RNF150: variants seen among roughly 807,000 people sequenced by gnomAD.
RNF150 encodes ring finger protein 150.
In RNF150, 24 loss-of-function variants were observed where a neutral mutation model predicts 39.3. The ratio of observed to expected loss-of-function variants is 0.61; its 90% CI spans 0.44 to 0.86. The LOEUF is 0.86. Among genes scored for constraint, RNF150 ranks in the 40% least tolerant of loss-of-function variants. The pLI, the probability that RNF150 is intolerant of heterozygous loss-of-function variation, is 0.00. For synonymous variants in RNF150, 255 were observed against 227.3 expected, an observed-to-expected ratio of 1.12 and a Z score of -1.10; for missense variants, 502 against 587.8, an observed-to-expected ratio of 0.85 and a Z score of 1.51.
chr4:141,019,851 T>G (rs73849490), intron 1 of RNF150, among the ~76,000 whole-genome samples: 3 of 152,128 alleles, frequency 2.0e-5, no homozygotes, highest in Non-Finnish European at 4.4e-5. Flanking sequence ...CACGTAAACA[T>G]AGTTTAGCAG....
At chr4:140,942,302 T>C (rs917799773) in intron 4 of RNF150, among the ~76,000 whole-genome samples, 6 of 152,204 alleles carry the variant, frequency 3.9e-5, no homozygotes, top group African/African-American at 7.2e-5. Context: ...CTGCAAAACC[T>C]GGGCCTGCAG....
intron 1 of RNF150, among the ~76,000 whole-genome samples, chr4:140,979,766 G>A (rs1157338237): frequency 6.6e-6 from 1 of 152,036 alleles, no homozygotes; most frequent in Non-Finnish European, 1.5e-5. Flanking sequence ...TGGGCAAGTT[G>A]CCATTTCTGC....
intron 1 of RNF150, among the ~76,000 whole-genome samples, chr4:141,007,860 C>T (rs1419159491): frequency 5.3e-5 from 8 of 152,218 alleles, no homozygotes; most frequent in Admixed American, 5.2e-4. Flanking sequence ...TACAACCAAA[C>T]AGTAGGTATC....
chr4:140,945,142 A>G (rs1039822833), intron 4 of RNF150, among the ~76,000 whole-genome samples: 7 of 152,222 alleles, frequency 4.6e-5, no homozygotes, highest in Admixed American at 4.6e-4. Flanking sequence ...GATGGACAGT[A>G]AGGAATATGA....
intron 1 of RNF150, among the ~76,000 whole-genome samples, chr4:140,993,189 G>A (rs921103277): frequency 3.9e-5 from 6 of 152,176 alleles, no homozygotes; most frequent in Non-Finnish European, 8.8e-5. Context: ...AAATCAAGGT[G>A]TTGGCATGGC....
At chr4:141,146,297 C>T (rs538738819) in intron 1 of RNF150, among the ~76,000 whole-genome samples, 3 of 152,198 alleles carry the variant, frequency 2.0e-5, no homozygotes, top group Non-Finnish European at 4.4e-5. Flanking sequence ...AGAAACATTC[C>T]TTTTACAGAT....
At chr4:141,188,737 T>C (rs1217536421) in intron 1 of RNF150, among the ~76,000 whole-genome samples, 1 of 152,236 alleles carries the variant, frequency 6.6e-6, no homozygotes, top group Non-Finnish European at 1.5e-5. Flanking sequence ...TTATTCTAGT[T>C]AGCAGTTCCT....
intron 1 of RNF150, among the ~76,000 whole-genome samples, chr4:141,038,088 C>T (rs956622694): frequency 6.6e-5 from 10 of 152,156 alleles, no homozygotes; most frequent in Admixed American, 2.0e-4. Flanking sequence ...TCTGGGATAT[C>T]AGGTTAGTCA....
chr4:141,200,427 C>A (rs1728272051), intron 1 of RNF150, among the ~76,000 whole-genome samples: 1 of 151,736 alleles, frequency 6.6e-6, no homozygotes, highest in South Asian at 2.1e-4. Context: ...GACTCCACCT[C>A]CTAATACTAT....
At chr4:141,088,382 C>CTTGTTTT (rs1738446172) in intron 1 of RNF150, among the ~76,000 whole-genome samples, 1 of 152,058 alleles carries the variant, frequency 6.6e-6, no homozygotes, top group South Asian at 2.1e-4. Context: ...AGGTTAAAGC[C>CTTGTTTT]AACTTGAAGG....
At chr4:141,135,821 G>A (rs1727019390), upstream of RNF150, among the ~76,000 whole-genome samples, 1 of 152,152 alleles carries the variant, frequency 6.6e-6, no homozygotes, top group South Asian at 2.1e-4. Context: ...ATTTATTGAA[G>A]AGGAACCTGG....
At chr4:141,135,651 T>C (rs925039827), upstream of RNF150, among the ~76,000 whole-genome samples, 1 of 152,214 alleles carries the variant, frequency 6.6e-6, no homozygotes, top group Non-Finnish European at 1.5e-5. Context: ...TAAGGATTAA[T>C]GGATATAGAA....
chr4:141,020,650 TG>T (rs904154018), intron 1 of RNF150, among the ~76,000 whole-genome samples: 77 of 152,316 alleles, frequency 5.1e-4, no homozygotes, highest in Admixed American at 7.8e-4. Flanking sequence ...CAGGAAAACA[TG>T]GCAAACTCTA....
intron 6 of RNF150, among the ~76,000 whole-genome samples, chr4:140,890,148 CA>C (rs576983109): frequency 6.6e-6 from 1 of 152,006 alleles, no homozygotes; most frequent in Non-Finnish European, 1.5e-5. Context: ...GTGCAGGTAA[CA>C]AAAAAATCAA....
chr4:140,889,930 T>A (rs1729700100), intron 6 of RNF150, among the ~76,000 whole-genome samples: 2 of 152,340 alleles, frequency 1.3e-5, no homozygotes, highest in Admixed American at 1.3e-4. Context: ...TGAATTTTAC[T>A]AGGCTCTGAA....
At chr4:140,895,990 T>C (rs926809353) in intron 6 of RNF150, among the ~76,000 whole-genome samples, 3 of 141,708 alleles carry the variant, frequency 2.1e-5, no homozygotes, top group African/African-American at 8.1e-5. Context: ...CTATGAGATA[T>C]CATCTCACAC....
chr4:140,864,073 C>G lies in RNF150; in HGVS notation c.*4188G>C, dbSNP rs1728604989. ...TGACCAAACCCAGATCTATGAATTT[C>G]CAGGATATTTCACCAGGATGAAGGA... On this transcript the variant is annotated 3_prime_UTR_variant, in exon 7 of 7. Transcript: ENST00000515673. The G allele has an allele frequency of 6.6e-6, 1 of 152,100 alleles. No homozygotes were observed. Among genetic ancestry groups the G allele is most frequent in the African/African-American group, 2.4e-5 (1 of 41,414 alleles). 9.4% of individuals were successfully genotyped at this position (152,100 alleles called of 1,614,324 possible). A position where few individuals can be genotyped will look rare whatever the true frequency, so the allele number is the denominator to read the frequency against.
intron 6 of RNF150, among the ~76,000 whole-genome samples, chr4:140,906,829 A>G (rs1228415064): frequency 6.6e-6 from 1 of 152,126 alleles, no homozygotes; most frequent in East Asian, 1.9e-4. Flanking sequence ...CTCTAGTCTG[A>G]GATGGAAGAA....
At chr4:140,900,820 T>TTA (rs3033126) in intron 6 of RNF150, among the ~76,000 whole-genome samples, 4,400 of 150,790 alleles carry the variant, frequency 0.029, 202 homozygotes, top group African/African-American at 0.098. Flanking sequence ...GCTAGGAACT[T>TTA]TATATATATA....
Sources: gnomAD v4.1 joint callset for allele counts (sites outside exome capture counted in the v4.1 genomes callset) on GRCh38, gnomAD v4.1.1 for gene constraint, MANE v1.5 for transcripts, NCBI Gene and HGNC (gene_info 2026-07-23, HGNC 2026-07-21) for gene names.